Variants in EYS observed in about 807,000 individuals in gnomAD.
EYS encodes EGF-like photoreceptor maintenance factor.
A neutral mutation model predicts 282.1 loss-of-function variants in EYS; 250 were observed. The ratio of observed to expected loss-of-function variants is 0.89; its 90% CI spans 0.80 to 0.98. The LOEUF is 0.98. Among genes scored for constraint, EYS ranks in the 50% least tolerant of loss-of-function variants. EYS has a pLI of 0.00. For synonymous variants in EYS, 1,355 were observed against 1,282.9 expected, an observed-to-expected ratio of 1.06 and a Z score of -1.20; for missense variants, 4,016 against 3,709.0, an observed-to-expected ratio of 1.08 and a Z score of -2.15.
intron 29 of EYS, among the ~76,000 whole-genome samples, chr6:64,333,062 T>C (rs1433816591): frequency 6.6e-6 from 1 of 152,174 alleles, no homozygotes; most frequent in African/African-American, 2.4e-5. Context: ...AAAACTCTGT[T>C]ATACCAGACC....
At position 64,717,609 on chromosome 6, in the gene EYS, G is replaced by A. The variant is rs1009515376; in HGVS notation, c.3444-91364C>T. ...TGCAGCCTAGTTCCTAACAGGCCAC[G>A]AACTGGTACCTAAGAGGCCATGAAC... is the stretch of plus-strand genomic sequence containing the variant. On this transcript the variant is annotated intron_variant, in intron 22 of 42. Coordinates refer to ENST00000503581, the MANE Select transcript of EYS (RefSeq NM_001142800.2). Among the ~76,000 whole-genome samples the A allele has an allele frequency of 9.2e-5, 14 of 152,220 alleles. No homozygotes were observed. In the South Asian group the frequency reaches 1.7e-3, roughly 18 times the overall value.
At chr6:65,372,101 T>C (rs1765177592) in intron 8 of EYS, among the ~76,000 whole-genome samples, 1 of 151,934 alleles carries the variant, frequency 6.6e-6, no homozygotes, top group African/African-American at 2.4e-5. Context: ...TGTGTTTTTT[T>C]CTTTGTTCTC....
chr6:65,217,873 T>C (rs1766355486), intron 12 of EYS, among the ~76,000 whole-genome samples: 1 of 152,052 alleles, frequency 6.6e-6, no homozygotes, highest in Non-Finnish European at 1.5e-5. Flanking sequence ...AAAAATATTA[T>C]CTGATTTAAA....
At chr6:64,100,226 GTC>G (rs1414992413) in intron 31 of EYS, among the ~76,000 whole-genome samples, 2 of 151,964 alleles carry the variant, frequency 1.3e-5, no homozygotes, top group East Asian at 1.9e-4. Flanking sequence ...TATTTGCTTT[GTC>G]TCTCTCTGCT....
intron 41 of EYS, among the ~76,000 whole-genome samples, chr6:63,739,278 A>T (rs148937328): frequency 1.6e-3 from 245 of 152,246 alleles, no homozygotes; most frequent in African/African-American, 5.6e-3. Flanking sequence ...TTTATTGGAG[A>T]GTGTGCTTGG....
intron 19 of EYS, among the ~76,000 whole-genome samples, chr6:64,883,398 G>C (rs905598336): frequency 1.3e-5 from 2 of 151,276 alleles, no homozygotes; most frequent in Non-Finnish European, 3.0e-5. Flanking sequence ...TTATTTCTGA[G>C]ATAGGACTTA....
rs1053154818 is a variant in EYS at position 65,016,646 on chromosome 6, C to G, written c.2138-18943G>C. ...ACTATAAAGTTAAATAAAGTAGAAT[C>G]AAGTCATCCAACTTCAATAATCAGC... On this transcript the variant is annotated intron_variant, in intron 13 of 42. Coordinates refer to ENST00000503581, the MANE Select transcript of EYS (RefSeq NM_001142800.2). 4.6e-5 allele frequency among the ~76,000 whole-genome samples: 7 copies of G among 152,060 alleles called. No individual in the cohort carries two copies. In the East Asian group the frequency reaches 1.4e-3, roughly 29 times the overall value.
At chr6:65,629,088 T>A (rs1766821128) in intron 2 of EYS, among the ~76,000 whole-genome samples, 1 of 152,210 alleles carries the variant, frequency 6.6e-6, no homozygotes. Context: ...CTGTTAAAAC[T>A]ATACAGTAGT....
At chr6:64,152,462 C>G (rs1799716247) in intron 31 of EYS, among the ~76,000 whole-genome samples, 2 of 152,120 alleles carry the variant, frequency 1.3e-5, no homozygotes. Context: ...TTTTAGTGCT[C>G]TCAGGCATCA....
rs1385578247 is a variant in EYS, at chr6:63,864,084, G to A, written c.7228+102C>T. On this transcript the variant is annotated intron_variant, in intron 36 of 42. Coordinates refer to ENST00000503581, the MANE Select transcript of EYS (RefSeq NM_001142800.2). Reference sequence around the variant, plus strand: ...AAAAGAACCCAGAAGAAGATTTGATGTATTTGATCAGTCAAGTGCTATCCT... The same window carrying A: ...AAAAGAACCCAGAAGAAGATTTGATATATTTGATCAGTCAAGTGCTATCCT... 8 of 1,081,802 alleles carry A rather than the reference G, an allele frequency of 7.4e-6. No homozygotes were observed. The Admixed American group carries it at 1.4e-4, about 19-fold the overall frequency. The allele number at this position is 1,081,802 out of a possible 1,614,324, so 67.0% of individuals were successfully genotyped here. A position where few individuals can be genotyped will look rare whatever the true frequency, so the allele number is the denominator to read the frequency against.
chr6:65,308,138 A>C (rs1769063135), intron 11 of EYS, among the ~76,000 whole-genome samples: 1 of 54,280 alleles, frequency 1.8e-5, no homozygotes, highest in Admixed American at 2.7e-4. Flanking sequence ...CACCACGCCC[A>C]GCTAATTTTT....
chr6:65,214,410 C>T (rs990752559), intron 12 of EYS, among the ~76,000 whole-genome samples: 1 of 152,116 alleles, frequency 6.6e-6, no homozygotes, highest in Admixed American at 6.6e-5. Flanking sequence ...AAAAGCCTAA[C>T]CCAGGGCAAG....
intron 33 of EYS, among the ~76,000 whole-genome samples, chr6:64,034,992 G>A (rs1770040747): frequency 6.6e-6 from 1 of 152,198 alleles, no homozygotes; most frequent in Non-Finnish European, 1.5e-5. Context: ...TTTATAAACA[G>A]AGAATAGCTA....
intron 35 of EYS, among the ~76,000 whole-genome samples, chr6:63,902,049 C>A (rs957355429): frequency 2.0e-5 from 3 of 152,078 alleles, no homozygotes; most frequent in Non-Finnish European, 4.4e-5. Flanking sequence ...CCCACCACCA[C>A]ACTTGGCTAA....
intron 22 of EYS, among the ~76,000 whole-genome samples, chr6:64,774,697 C>G (rs1417358245): frequency 6.6e-6 from 1 of 151,840 alleles, no homozygotes; most frequent in African/African-American, 2.4e-5. Context: ...TCAGTCAGCC[C>G]TAATCTGGCC....
intron 35 of EYS, among the ~76,000 whole-genome samples, chr6:63,914,216 A>G (rs1764356836): frequency 2.0e-5 from 3 of 152,240 alleles, no homozygotes; most frequent in African/African-American, 7.2e-5. Flanking sequence ...CTAAGTGTTT[A>G]AGTAAAAGAA....
At chr6:65,054,284 G>T (rs964183436) in intron 13 of EYS, among the ~76,000 whole-genome samples, 1 of 151,848 alleles carries the variant, frequency 6.6e-6, no homozygotes, top group Non-Finnish European at 1.5e-5. Context: ...TATAATAGGG[G>T]TATTCCTGGT....
chr6:65,386,739 T>G (rs865934185), intron 7 of EYS, among the ~76,000 whole-genome samples: 1 of 152,000 alleles, frequency 6.6e-6, no homozygotes, highest in Non-Finnish European at 1.5e-5. Context: ...TTTGAGCTAC[T>G]CTAGGTGTCC....
chr6:64,681,090 T>C (rs1426755224), intron 22 of EYS, among the ~76,000 whole-genome samples: 2 of 152,066 alleles, frequency 1.3e-5, no homozygotes, highest in Non-Finnish European at 2.9e-5. Flanking sequence ...TTAAAACATA[T>C]CTCAAATACT....
Sources: gnomAD v4.1 joint callset for allele counts (sites outside exome capture counted in the v4.1 genomes callset) on GRCh38, gnomAD v4.1.1 for gene constraint, MANE v1.5 for transcripts, NCBI Gene and HGNC (gene_info 2026-07-23, HGNC 2026-07-21) for gene names.